Variants in CATSPERE observed in about 807,000 individuals in gnomAD.
CATSPERE encodes the protein catsper channel auxiliary subunit epsilon.
In CATSPERE, 93 loss-of-function variants were observed where a neutral mutation model predicts 114.1. The ratio of observed to expected loss-of-function variants is 0.81; its 90% CI spans 0.69 to 0.97. CATSPERE has a LOEUF of 0.97. Among genes scored for constraint, CATSPERE ranks in the 50% least tolerant of loss-of-function variants. The pLI is 0.00. For missense variants in CATSPERE, 1,058 were observed against 1,131.6 expected, an observed-to-expected ratio of 0.93 and a Z score of 0.93; for synonymous variants, 341 against 384.1, an observed-to-expected ratio of 0.89 and a Z score of 1.31.
At chr1:244,528,132 C>T (rs893058280) in intron 8 of CATSPERE, among the ~76,000 whole-genome samples, 9 of 152,214 alleles carry the variant, frequency 5.9e-5, no homozygotes, top group Non-Finnish European at 1.3e-4. Context: ...CCAGCAGGTT[C>T]CCTGCATATG....
intron 7 of CATSPERE, among the ~76,000 whole-genome samples, chr1:244,508,087 G>A (rs976673410): frequency 5.3e-5 from 8 of 150,872 alleles, no homozygotes; most frequent in African/African-American, 1.9e-4. Flanking sequence ...AATATTAATT[G>A]GTCTGATACT....
chr1:244,614,634 CGAG>C (rs1321950616), intron 19 of CATSPERE, among the ~76,000 whole-genome samples: 3 of 152,082 alleles, frequency 2.0e-5, no homozygotes, highest in African/African-American at 7.2e-5. Flanking sequence ...ATCATTAACA[CGAG>C]GAGGGAACCC....
intron 9 of CATSPERE, among the ~76,000 whole-genome samples, chr1:244,556,309 GA>G (rs147041935): frequency 6.6e-6 from 1 of 151,448 alleles, no homozygotes; most frequent in African/African-American, 2.4e-5. Context: ...AATGAAATAT[GA>G]AAAAAATTAT....
At chr1:244,511,213 ACTTT>A (rs1348071480) in intron 7 of CATSPERE, among the ~76,000 whole-genome samples, 2 of 152,078 alleles carry the variant, frequency 1.3e-5, no homozygotes, top group Non-Finnish European at 2.9e-5. Context: ...TTATCTAATG[ACTTT>A]CTTTGTCTCT....
intron 10 of CATSPERE, among the ~76,000 whole-genome samples, chr1:244,567,397 T>G (rs1663756847): frequency 6.6e-6 from 1 of 152,234 alleles, no homozygotes; most frequent in South Asian, 2.1e-4. Context: ...TGGCCTGTCT[T>G]GTTAGGTTGG....
intron 21 of CATSPERE, among the ~76,000 whole-genome samples, chr1:244,639,559 GCCC>G (rs1675085552): frequency 6.6e-6 from 1 of 151,940 alleles, no homozygotes; most frequent in Non-Finnish European, 1.5e-5. Flanking sequence ...GTGTGGTGGT[GCCC>G]TCCTGTAATC....
intron 7 of CATSPERE, among the ~76,000 whole-genome samples, chr1:244,510,531 T>G (rs1675526834): frequency 6.6e-6 from 1 of 152,238 alleles, no homozygotes; most frequent in South Asian, 2.1e-4. Flanking sequence ...TCCTAATATA[T>G]GGCCACTTCT....
chr1:244,503,513 C>G (rs2148295765), intron 7 of CATSPERE, among the ~76,000 whole-genome samples: 2 of 152,292 alleles, frequency 1.3e-5, no homozygotes, highest in South Asian at 4.1e-4. Context: ...AATATATTCC[C>G]TCTTTTTATC....
chr1:244,490,272 T>C (rs1157509687), intron 5 of CATSPERE, among the ~76,000 whole-genome samples, 175 bp from the exon 6 acceptor site: 1 of 152,236 alleles, frequency 6.6e-6, no homozygotes, highest in African/African-American at 2.4e-5. Flanking sequence ...ACGATATTGA[T>C]AAATAAATAG....
chr1:244,528,785 C>CCACACACGCACGCGCACACACACACA (rs749801424), intron 8 of CATSPERE, among the ~76,000 whole-genome samples: 4 of 130,536 alleles, frequency 3.1e-5, no homozygotes, highest in African/African-American at 1.2e-4. Flanking sequence ...CAATCCCCCA[C>CCACACACGCACGCGCACACACACACA]CACACACACA....
chr1:244,578,092 AT>A (rs1231216003), intron 11 of CATSPERE, among the ~76,000 whole-genome samples: 1 of 152,042 alleles, frequency 6.6e-6, no homozygotes, highest in African/African-American at 2.4e-5. Flanking sequence ...CAATGTGGGG[AT>A]TGGGGCACCA....
At chr1:244,462,213 T>C (rs542214071) in intron 1 of CATSPERE, among the ~76,000 whole-genome samples, 4 of 152,304 alleles carry the variant, frequency 2.6e-5, no homozygotes, top group African/African-American at 9.6e-5. Flanking sequence ...AAGAGTGAGA[T>C]ATAACAGTGC....
chr1:244,571,008 G>A (rs1183581568), intron 10 of CATSPERE, among the ~76,000 whole-genome samples: 1 of 152,146 alleles, frequency 6.6e-6, no homozygotes, highest in African/African-American at 2.4e-5. Context: ...ATATCATGAA[G>A]CAACTTGGAC....
chr1:244,608,711 G>A (rs1001261307), intron 18 of CATSPERE, among the ~76,000 whole-genome samples: 2 of 151,754 alleles, frequency 1.3e-5, no homozygotes, highest in African/African-American at 2.4e-5. Context: ...TCTCTCTCAC[G>A]TTTCCTCCCT....
At position 244,575,633 on chromosome 1, in the gene CATSPERE, C is replaced by T. The variant is rs1036773892; in HGVS notation, c.1950+2861C>T. Among the ~76,000 whole-genome samples, 16 of 152,224 alleles carry T rather than the reference C, an allele frequency of 1.1e-4. No individual in the cohort carries two copies. Among genetic ancestry groups the T allele is most frequent in the East Asian group, 1.9e-4 (1 of 5,162 alleles). On this transcript the variant is annotated intron_variant, in intron 11 of 21. Coordinates refer to ENST00000366534, the MANE Select transcript of CATSPERE (RefSeq NM_001130957.2). The surrounding 1 kb of genome is among the most constrained non-coding windows in gnomAD (Gnocchi z 4.5). ...AGTAATCTACAACAATGTGGAGCTG[C>T]GCTTGCTGCTGTTGCTCTCTTTCTC...
In CATSPERE at chr1:244,518,706, ATT is replaced by A; in HGVS notation, c.536+15_536+16del. 7.4e-7 allele frequency: 1 copy of A among 1,351,140 alleles called. No homozygotes were observed. Among genetic ancestry groups the A allele is most frequent in the Non-Finnish European group, 1.0e-6 (1 of 979,732 alleles). The allele number at this position is 1,351,140 out of a possible 1,614,324, so 83.7% of individuals were successfully genotyped here. A position where few individuals can be genotyped will look rare whatever the true frequency, so the allele number is the denominator to read the frequency against. ...TGAGAAAATGAGAAGGGGGTATTTAATTTTTTTTAATTTTAAATATAGAAATA... is the reference window on the plus strand; with the variant it reads ...TGAGAAAATGAGAAGGGGGTATTTAATTTTTTAATTTTAAATATAGAAATA... On this transcript the variant is annotated intron_variant, in intron 8 of 21. Transcript: ENST00000366534.
chr1:244,579,070 G>T (rs983598407), intron 11 of CATSPERE, among the ~76,000 whole-genome samples: 8 of 151,936 alleles, frequency 5.3e-5, no homozygotes, highest in African/African-American at 1.7e-4. Context: ...AAAAAAATAT[G>T]CAAGAACCAC....
At chr1:244,580,807 C>G (rs1275608871) in intron 11 of CATSPERE, among the ~76,000 whole-genome samples, 2 of 152,008 alleles carry the variant, frequency 1.3e-5, no homozygotes, top group Non-Finnish European at 2.9e-5. Flanking sequence ...TCAAGACCAG[C>G]CTGACCAACA....
At chr1:244,515,236 C>T (rs1422778773) in intron 7 of CATSPERE, 1 of 635,948 alleles carries the variant, frequency 1.6e-6, no homozygotes, top group South Asian at 7.0e-5. Flanking sequence ...TAACTCCTCT[C>T]CCACCTCAGG....
Sources: allele counts gnomAD v4.1 joint callset (sites outside exome capture counted in the v4.1 genomes callset), GRCh38; gene constraint gnomAD v4.1.1; non-coding constraint Gnocchi (gnomAD v3.1); transcripts MANE v1.5; gene names NCBI Gene and HGNC (gene_info 2026-07-23, HGNC 2026-07-21).